RNF5: variants seen among roughly 807,000 people sequenced by gnomAD.
RNF5 encodes E3 ubiquitin-protein ligase RNF5.
In RNF5, 16 loss-of-function variants were observed where a neutral mutation model predicts 24.4. The observed-to-expected ratio is 0.66, with a 90% CI of 0.44 to 1.00. RNF5 has a LOEUF of 1.00. Ranked by LOEUF, RNF5 falls within the 50% of genes least tolerant of loss-of-function variation. RNF5 has a pLI of 0.00. For synonymous variants in RNF5, 64 were observed against 88.5 expected, an observed-to-expected ratio of 0.72 and a Z score of 1.55; for missense variants, 185 against 236.7, an observed-to-expected ratio of 0.78 and a Z score of 1.43.
rs766193818 is a variant in RNF5, at chr6:32,180,193, G to A, written c.446-36G>A. 7 of 1,610,904 alleles carry A rather than the reference G, an allele frequency of 4.3e-6. No homozygotes were observed. In the East Asian group the frequency reaches 8.9e-5, roughly 21 times the overall value. On this transcript the variant is annotated intron_variant, in intron 5 of 5. Transcript: ENST00000375094. ...CCCCTCAGGCCCCCTCCCAGCCTAG[G>A]AGCATATGCTTCCACAGCTTTCCTC...
In RNF5 at chr6:32,179,125, G is replaced by A. The variant is rs903368962; in HGVS notation, c.141-416G>A. On this transcript the variant is annotated intron_variant, in intron 1 of 5. Coordinates refer to ENST00000375094, the MANE Select transcript of RNF5 (RefSeq NM_006913.4). The surrounding 1 kb of genome is among the most constrained non-coding windows in gnomAD (Gnocchi z 5.4). ...AAAGGTTAAAGGGTCATAAAGATAG[G>A]GACATTATTGAGCTTGAAAGTGAGT... Among the ~76,000 whole-genome samples the A allele has an allele frequency of 5.3e-5, 8 of 152,098 alleles. No individual in the cohort carries two copies. The highest frequency in any genetic ancestry group is 1.3e-4 in the Admixed American group (2 of 15,276).
Position 32,180,073 on chromosome 6 carries a change from T to C in RNF5, c.392T>C (p.Phe131Ser), listed in dbSNP as rs1561864282. ...HFSFGVGAFP[F>S]GFFTTVFNAH... ...TCATTTGGTGTTGGTGCTTTTCCCT[T>C]TGGCTTTTTCACCACCGTCTTCAAT... is the stretch of plus-strand genomic sequence containing the variant. The change falls in exon 5 of 6, where the codon TTT becomes TCT. Residue 131 changes from phenylalanine (F) to serine (S), a missense_variant. Phe to Ser is a radical substitution (Grantham distance 155). Transcript: ENST00000375094. The C allele has an allele frequency of 1.2e-6, 2 of 1,614,052 alleles. No homozygotes were observed. The highest frequency in any genetic ancestry group is 2.7e-5 in the African/African-American group (2 of 74,920).
chr6:32,179,948 A>G lies in RNF5; in HGVS notation c.327+17A>G. On this transcript the variant is annotated intron_variant, in intron 4 of 5. Transcript: ENST00000375094. This position sits in a 1 kb window ranked among gnomAD's most constrained non-coding sequence, Gnocchi z 5.4. ...AGCAGAGGGGTGAGTCTTCTTGTCC[A>G]GTTGTGTCCCTTCCTTGACAGATTT... is the stretch of plus-strand genomic sequence containing the variant. 6.2e-7 allele frequency: 1 copy of G among 1,614,200 alleles called. No homozygotes were observed. The highest frequency in any genetic ancestry group is 8.5e-7 in the Non-Finnish European group (1 of 1,180,030).
Position 32,179,879 on chromosome 6 carries a change from T to G in RNF5, c.275T>G (p.Leu92Ter). 6.2e-7 allele frequency: 1 copy of G among 1,614,118 alleles called. No individual in the cohort carries two copies. The highest frequency in any genetic ancestry group is 8.5e-7 in the Non-Finnish European group (1 of 1,179,998). ...RGSQKPQDPR[L>*]KTPPRPQGQR... is the part of the protein sequence containing the mutation. ...ACTTTCTCTCTCCACTTCCTCAGATTAAAAACTCCACCCCGCCCCCAGGGC... is the reference window on the plus strand; with the variant it reads ...ACTTTCTCTCTCCACTTCCTCAGATGAAAAACTCCACCCCGCCCCCAGGGC... Residue 92 changes from leucine (L) to a stop codon, truncating the protein, a stop_gained and splice_region_variant, in exon 4 of 6, where the codon TTA becomes TGA. Transcript: ENST00000375094. LOFTEE classifies it high-confidence loss of function. The surrounding 1 kb of genome is among the most constrained non-coding windows in gnomAD (Gnocchi z 5.4).
In RNF5 at chr6:32,179,532, C is replaced by T. The variant is rs765238416; in HGVS notation, c.141-9C>T. ...GTTTGACCTTTTTTTTTTTTTCTCC[C>T]CCATCCAGTTGGCCATGTCTTCATC... On this transcript the variant is annotated splice_polypyrimidine_tract_variant and intron_variant, in intron 1 of 5. Coordinates refer to ENST00000375094, the MANE Select transcript of RNF5 (RefSeq NM_006913.4). The surrounding 1 kb of genome is among the most constrained non-coding windows in gnomAD (Gnocchi z 5.4). The T allele has an allele frequency of 4.3e-6, 7 of 1,612,496 alleles. No individual in the cohort carries two copies. Among genetic ancestry groups the T allele is most frequent in the Admixed American group, 1.7e-5 (1 of 59,880 alleles).
chr6:32,178,724 A>G (rs1387673990), intron 1 of RNF5, 73 bp downstream of exon 1: 4 of 1,428,564 alleles, frequency 2.8e-6, no homozygotes, highest in Non-Finnish European at 3.8e-6. Context: ...GCGAATAATC[A>G]TACAGTCATA....
chr6:32,179,499 TGTA>T lies in RNF5; in HGVS notation c.141-40_141-38del. 1 of 1,612,060 alleles carries T rather than the reference TGTA, an allele frequency of 6.2e-7. No homozygotes were observed. Among genetic ancestry groups the T allele is most frequent in the Non-Finnish European group, 8.5e-7 (1 of 1,179,218 alleles). Reference sequence around the variant, plus strand: ...GTCTAGGGTCTGTGTCTCTCTTTTCTGTAGCTAGTTTGACCTTTTTTTTTTTTT... The same window carrying T: ...GTCTAGGGTCTGTGTCTCTCTTTTCTGCTAGTTTGACCTTTTTTTTTTTTT... On this transcript the variant is annotated intron_variant, in intron 1 of 5. Coordinates refer to ENST00000375094, the MANE Select transcript of RNF5 (RefSeq NM_006913.4). The surrounding 1 kb of genome is among the most constrained non-coding windows in gnomAD (Gnocchi z 5.4).
rs538659155 is a variant in RNF5, at chr6:32,179,273, G to A, written c.141-268G>A. On this transcript the variant is annotated intron_variant, in intron 1 of 5. Transcript: ENST00000375094. The surrounding 1 kb of genome is among the most constrained non-coding windows in gnomAD (Gnocchi z 5.4). Reference sequence around the variant, plus strand: ...ATTAACTTGAAAGGCAGAAAAGAGAGGGCACGAAAATTTGTATGTGTTTGT... The same window carrying A: ...ATTAACTTGAAAGGCAGAAAAGAGAAGGCACGAAAATTTGTATGTGTTTGT... 6.6e-6 allele frequency among the ~76,000 whole-genome samples: 1 copy of A among 152,194 alleles called. No individual in the cohort carries two copies. Among genetic ancestry groups the A allele is most frequent in the East Asian group, 1.9e-4 (1 of 5,178 alleles).
Position 32,179,118 on chromosome 6 carries a change from A to C in RNF5, c.141-423A>C, listed in dbSNP as rs1041862533. Among the ~76,000 whole-genome samples the C allele has an allele frequency of 1.3e-5, 2 of 152,148 alleles. No homozygotes were observed. The highest frequency in any genetic ancestry group is 1.3e-4 in the Admixed American group (2 of 15,274). On this transcript the variant is annotated intron_variant, in intron 1 of 5. Coordinates refer to ENST00000375094, the MANE Select transcript of RNF5 (RefSeq NM_006913.4). This position sits in a 1 kb window ranked among gnomAD's most constrained non-coding sequence, Gnocchi z 5.4. ...AGACTTGAAAGGTTAAAGGGTCATA[A>C]AGATAGGGACATTATTGAGCTTGAA...
chr6:32,179,390 T>A lies in RNF5; in HGVS notation c.141-151T>A. The A allele has an allele frequency of 1.1e-6, 1 of 885,928 alleles. No homozygotes were observed. 54.9% of individuals were successfully genotyped at this position (885,928 alleles called of 1,614,324 possible). A position where few individuals can be genotyped will look rare whatever the true frequency, so the allele number is the denominator to read the frequency against. On this transcript the variant is annotated intron_variant, in intron 1 of 5. Transcript: ENST00000375094. The surrounding 1 kb of genome is among the most constrained non-coding windows in gnomAD (Gnocchi z 5.4). ...CAGACAAGCAGGAAGGCTAACTAAG[T>A]TGGCTGGCATGGTAGAGGTTGCAGA...
Position 32,179,547 on chromosome 6 carries a change from A to G in RNF5, c.147A>G (p.Pro49=), listed in dbSNP as rs763061242. ...VSVCGHLYCW[P]CLHQWLETRP... ...TTTTTTCTCCCCCATCCAGTTGGCCATGTCTTCATCAGGTGCGTACTCAGG... is the reference window on the plus strand; with the variant it reads ...TTTTTTCTCCCCCATCCAGTTGGCCGTGTCTTCATCAGGTGCGTACTCAGG... The change falls in exon 2 of 6, where the codon CCA becomes CCG. Residue 49 remains proline, a synonymous_variant. Transcript: ENST00000375094. The surrounding 1 kb of genome is among the most constrained non-coding windows in gnomAD (Gnocchi z 5.4). 22 of 1,611,710 alleles carry G rather than the reference A, an allele frequency of 1.4e-5. No homozygotes were observed. The South Asian group carries it at 2.1e-4, about 15-fold the overall frequency.
chr6:32,180,151 C>T (rs140870201), intron 5 of RNF5, 25 bp downstream of exon 5: 4 of 1,607,756 alleles, frequency 2.5e-6, no homozygotes, highest in South Asian at 2.2e-5. Flanking sequence ...CAGCTCCCAT[C>T]AGGGAGCCCT....
Position 32,179,019 on chromosome 6 carries a change from G to C in RNF5, c.140+368G>C, listed in dbSNP as rs1785845570. ...GGGAGGCACGCATCAGTTGAGTCGG[G>C]GAGAACCAGGAAATATGGATCACAT... On this transcript the variant is annotated intron_variant, in intron 1 of 5. Coordinates refer to ENST00000375094, the MANE Select transcript of RNF5 (RefSeq NM_006913.4). This position sits in a 1 kb window ranked among gnomAD's most constrained non-coding sequence, Gnocchi z 5.4. Among the ~76,000 whole-genome samples the C allele has an allele frequency of 6.6e-6, 1 of 152,124 alleles. No homozygotes were observed. Among genetic ancestry groups the C allele is most frequent in the Admixed American group, 6.5e-5 (1 of 15,272 alleles).
Position 32,179,683 on chromosome 6 carries a change from T to C in RNF5, c.192T>C (p.Cys64=), listed in dbSNP as rs767897690. Residue 64 remains cysteine, a synonymous_variant, in exon 3 of 6, where the codon TGT becomes TGC. Coordinates refer to ENST00000375094, the MANE Select transcript of RNF5 (RefSeq NM_006913.4). The surrounding 1 kb of genome is among the most constrained non-coding windows in gnomAD (Gnocchi z 5.4). The stretch of plus-strand genomic sequence containing the variant: ...AGACACGGCCAGAACGGCAAGAGTG[T>C]CCAGTATGTAAAGCTGGGATCAGCA... ...WLETRPERQE[C]PVCKAGISRE... is the part of the protein sequence containing the mutation. 1.9e-6 allele frequency: 3 copies of C among 1,614,106 alleles called. No individual in the cohort carries two copies. In the South Asian group the frequency reaches 3.3e-5, roughly 18 times the overall value.
Position 32,179,640 on chromosome 6 carries a change from T to C in RNF5, c.160-11T>C. The C allele has an allele frequency of 6.3e-7, 1 of 1,584,562 alleles. No individual in the cohort carries two copies. The highest frequency in any genetic ancestry group is 8.7e-7 in the Non-Finnish European group (1 of 1,153,196). On this transcript the variant is annotated splice_polypyrimidine_tract_variant and intron_variant, in intron 2 of 5. Coordinates refer to ENST00000375094, the MANE Select transcript of RNF5 (RefSeq NM_006913.4). This position sits in a 1 kb window ranked among gnomAD's most constrained non-coding sequence, Gnocchi z 5.4. ...CTCTTGTATACTGGAAACCACCTTTTTTCTCCCCAGTGGCTGGAGACACGG... is the reference window on the plus strand; with the variant it reads ...CTCTTGTATACTGGAAACCACCTTTCTTCTCCCCAGTGGCTGGAGACACGG...
rs143287032 is a variant in RNF5 at position 32,179,372 on chromosome 6, G to A, written c.141-169G>A. Reference sequence around the variant, plus strand: ...CTTTAGGTGTTGGAAGATCAGACAAGCAGGAAGGCTAACTAAGTTGGCTGG... The same window carrying A: ...CTTTAGGTGTTGGAAGATCAGACAAACAGGAAGGCTAACTAAGTTGGCTGG... On this transcript the variant is annotated intron_variant, in intron 1 of 5. Coordinates refer to ENST00000375094, the MANE Select transcript of RNF5 (RefSeq NM_006913.4). This position sits in a 1 kb window ranked among gnomAD's most constrained non-coding sequence, Gnocchi z 5.4. Among the ~76,000 whole-genome samples the A allele has an allele frequency of 7.1e-3, 1,074 of 152,268 alleles. 10 individuals carry two copies. Among genetic ancestry groups the A allele is most frequent in the Middle Eastern group, 0.044 (13 of 294 alleles).
At position 32,178,494 on chromosome 6, in the gene RNF5, G is replaced by A. The variant is rs772602283; in HGVS notation, c.-18G>A. Reference sequence around the variant, plus strand: ...TTTGGGGGGACTGAAGGGTACGTGGGGCGAAACAAAACCGGCCATGGCAGC... The same window carrying A: ...TTTGGGGGGACTGAAGGGTACGTGGAGCGAAACAAAACCGGCCATGGCAGC... On this transcript the variant is annotated 5_prime_UTR_variant, in exon 1 of 6. Transcript: ENST00000375094. 50 of 1,580,894 alleles carry A rather than the reference G, an allele frequency of 3.2e-5. No homozygotes were observed. The African/African-American group carries it at 6.4e-4, about 20-fold the overall frequency.
Position 32,179,859 on chromosome 6 carries a change from C to A in RNF5, c.273-18C>A, listed in dbSNP as rs1481054487. 1 of 1,614,126 alleles carries A rather than the reference C, an allele frequency of 6.2e-7. No homozygotes were observed. The highest frequency in any genetic ancestry group is 1.7e-5 in the Admixed American group (1 of 60,020). On this transcript the variant is annotated intron_variant, in intron 3 of 5. Coordinates refer to ENST00000375094, the MANE Select transcript of RNF5 (RefSeq NM_006913.4). The surrounding 1 kb of genome is among the most constrained non-coding windows in gnomAD (Gnocchi z 5.4). ...GAGGAGAAAAATCCCTGTTAACTTT[C>A]TCTCTCCACTTCCTCAGATTAAAAA... is the stretch of plus-strand genomic sequence containing the variant.
In RNF5 at chr6:32,179,693, A is replaced by C. The variant is rs375375966; in HGVS notation, c.202A>C (p.Lys68Gln). ...RPERQECPVC[K>Q]AGISREKVVP... is the part of the protein sequence containing the mutation. ...AGAACGGCAAGAGTGTCCAGTATGTAAAGCTGGGATCAGCAGAGAGAAGGT... is the reference window on the plus strand; with the variant it reads ...AGAACGGCAAGAGTGTCCAGTATGTCAAGCTGGGATCAGCAGAGAGAAGGT... Residue 68 changes from lysine to glutamine, a missense_variant, in exon 3 of 6, where the codon AAA becomes CAA. Lys to Gln is a moderately conservative substitution (Grantham distance 53). Transcript: ENST00000375094. This position sits in a 1 kb window ranked among gnomAD's most constrained non-coding sequence, Gnocchi z 5.4. The C allele has an allele frequency of 3.7e-6, 6 of 1,613,996 alleles. No individual in the cohort carries two copies. In the East Asian group the frequency reaches 1.3e-4, roughly 36 times the overall value.
Sources: allele counts gnomAD v4.1 joint callset (sites outside exome capture counted in the v4.1 genomes callset), GRCh38; gene constraint gnomAD v4.1.1; non-coding constraint Gnocchi (gnomAD v3.1); transcripts MANE v1.5; gene names NCBI Gene and HGNC (gene_info 2026-07-23, HGNC 2026-07-21).